PDE7B: variants seen among roughly 807,000 people sequenced by gnomAD.
PDE7B encodes the protein 3',5'-cyclic-AMP phosphodiesterase 7B.
Under a neutral mutation model 56.2 loss-of-function variants are expected in PDE7B, and 29 were observed. The observed-to-expected ratio is 0.52, with a 90% CI of 0.38 to 0.70. PDE7B has a LOEUF of 0.70. Among genes scored for constraint, PDE7B ranks in the 30% least tolerant of loss-of-function variants. The probability of loss-of-function intolerance (pLI) is 0.00; values close to 1 mark genes in which losing one functional copy is unlikely to be tolerated. For missense variants in PDE7B, 490 were observed against 565.0 expected (o/e 0.87, Z 1.35); for synonymous variants, 197 against 196.9 (o/e 1.00, Z 0.00).
chr6:135,939,194 G>T (rs1342860377), intron 1 of PDE7B, among the ~76,000 whole-genome samples: 6 of 152,206 alleles, frequency 3.9e-5, no homozygotes, highest in East Asian at 3.9e-4. Flanking sequence ...CTTCTGGAAG[G>T]GTCACCTCAG....
At chr6:135,984,929 G>A (rs1023892301) in intron 2 of PDE7B, among the ~76,000 whole-genome samples, 4 of 151,900 alleles carry the variant, frequency 2.6e-5, no homozygotes, top group Non-Finnish European at 4.4e-5. Context: ...CCAGCCCTGA[G>A]GAAAAGAGAA....
intron 1 of PDE7B, among the ~76,000 whole-genome samples, chr6:135,867,188 A>G (rs1775277437): frequency 6.6e-6 from 1 of 152,336 alleles, no homozygotes; most frequent in South Asian, 2.1e-4. Context: ...AATAGTAAAC[A>G]GTTTTAAAAC....
intron 1 of PDE7B, among the ~76,000 whole-genome samples, chr6:135,924,013 T>A (rs1159466664): frequency 1.3e-5 from 2 of 152,182 alleles, no homozygotes; most frequent in Non-Finnish European, 2.9e-5. Context: ...AATACATTCT[T>A]GCTTATCAAG....
intron 2 of PDE7B, among the ~76,000 whole-genome samples, chr6:135,960,623 T>G (rs1271333213): frequency 6.6e-6 from 1 of 152,198 alleles, no homozygotes; most frequent in Non-Finnish European, 1.5e-5. Context: ...AAATACAGCT[T>G]AAATTCTGAG....
intron 2 of PDE7B, among the ~76,000 whole-genome samples, chr6:135,962,424 G>A (rs779945481): frequency 6.6e-6 from 1 of 151,928 alleles, no homozygotes; most frequent in Non-Finnish European, 1.5e-5. Flanking sequence ...TATAAATTTC[G>A]TATAAAAAAA....
intron 2 of PDE7B, among the ~76,000 whole-genome samples, chr6:135,955,351 A>C (rs1331714311): frequency 6.6e-6 from 1 of 152,056 alleles, no homozygotes; most frequent in Non-Finnish European, 1.5e-5. Flanking sequence ...GCTGAGTGTC[A>C]AAGAGAAGCT....
chr6:135,946,556 GA>G (rs1214264792), intron 1 of PDE7B, among the ~76,000 whole-genome samples: 1 of 151,978 alleles, frequency 6.6e-6, no homozygotes, highest in Admixed American at 6.6e-5. Context: ...CTACAGTCTT[GA>G]AAACACTTGT....
chr6:135,946,753 T>A (rs1774602857), intron 1 of PDE7B, among the ~76,000 whole-genome samples: 1 of 152,136 alleles, frequency 6.6e-6, no homozygotes, highest in Non-Finnish European at 1.5e-5. Context: ...ATTAGATTTG[T>A]TATGTTCTCA....
At chr6:136,071,884 A>G (rs1479971562) in intron 2 of PDE7B, among the ~76,000 whole-genome samples, 1 of 152,256 alleles carries the variant, frequency 6.6e-6, no homozygotes, top group East Asian at 1.9e-4. Flanking sequence ...CAGTGCAGTA[A>G]CAAGTAAATG....
chr6:135,938,594 A>G (rs1289231390), intron 1 of PDE7B, among the ~76,000 whole-genome samples: 1 of 152,204 alleles, frequency 6.6e-6, no homozygotes, highest in African/African-American at 2.4e-5. Flanking sequence ...TGCAGAGGCT[A>G]TAGTCGTTTT....
In PDE7B at chr6:135,887,917, A is replaced by C. The variant is rs76418509; in HGVS notation, c.21+35898A>C. On this transcript the variant is annotated intron_variant, in intron 1 of 12. Coordinates refer to ENST00000308191, the MANE Select transcript of PDE7B (RefSeq NM_018945.4). Reference sequence around the variant, plus strand: ...TAGATTCCCCTGTAATCCAATCATGATTTACCTTTTGACAGTTTACTCCCT... The same window carrying C: ...TAGATTCCCCTGTAATCCAATCATGCTTTACCTTTTGACAGTTTACTCCCT... Among the ~76,000 whole-genome samples the C allele has an allele frequency of 6.1e-3, 923 of 152,166 alleles. 8 individuals carry two copies. Among genetic ancestry groups the C allele is most frequent in the African/African-American group, 0.021 (866 of 41,538 alleles).
At chr6:135,920,037 G>A (rs1003260978) in intron 1 of PDE7B, among the ~76,000 whole-genome samples, 1 of 151,874 alleles carries the variant, frequency 6.6e-6, no homozygotes, top group Non-Finnish European at 1.5e-5. Context: ...GACCCTAAAA[G>A]GTTATATTCT....
At chr6:135,985,398 C>CT (rs1775360703) in intron 2 of PDE7B, among the ~76,000 whole-genome samples, 1 of 152,134 alleles carries the variant, frequency 6.6e-6, no homozygotes, top group African/African-American at 2.4e-5. Flanking sequence ...AATGTTGTTT[C>CT]TTTGGAGGTC....
chr6:136,121,741 G>A (rs1777937152), intron 3 of PDE7B, among the ~76,000 whole-genome samples: 1 of 152,210 alleles, frequency 6.6e-6, no homozygotes. Context: ...GTTGGCATTG[G>A]CATTTGGACA....
chr6:136,161,398 C>T (rs1393179048), intron 8 of PDE7B, among the ~76,000 whole-genome samples: 1 of 152,056 alleles, frequency 6.6e-6, no homozygotes, highest in Admixed American at 6.6e-5. Flanking sequence ...TTCTGATGTC[C>T]AGGGAATATT....
intron 2 of PDE7B, among the ~76,000 whole-genome samples, chr6:136,052,726 CT>C (rs1776654285): frequency 6.6e-6 from 1 of 151,580 alleles, no homozygotes; most frequent in African/African-American, 2.4e-5. Context: ...GCAATGCTTC[CT>C]TTTAGATAGC....
At chr6:135,957,106 T>C (rs1486937982) in intron 2 of PDE7B, among the ~76,000 whole-genome samples, 1 of 152,090 alleles carries the variant, frequency 6.6e-6, no homozygotes, top group African/African-American at 2.4e-5. Flanking sequence ...TGTGAGAAGA[T>C]GGTCCCCGTG....
chr6:136,165,238 A>G (rs146721490), intron 8 of PDE7B, among the ~76,000 whole-genome samples: 1 of 152,306 alleles, frequency 6.6e-6, no homozygotes, highest in African/African-American at 2.4e-5. Context: ...AGGCTTTCCA[A>G]GCAGATCAAT....
At chr6:136,181,849 A>AT (rs1208790779) in intron 11 of PDE7B, among the ~76,000 whole-genome samples, 1 of 152,230 alleles carries the variant, frequency 6.6e-6, no homozygotes, top group Non-Finnish European at 1.5e-5. Flanking sequence ...AGGTAGAAGG[A>AT]TTTTGCTGTG....
Sources: gnomAD v4.1 joint callset for allele counts (sites outside exome capture counted in the v4.1 genomes callset) on GRCh38, gnomAD v4.1.1 for gene constraint, MANE v1.5 for transcripts, NCBI Gene and HGNC (gene_info 2026-07-23, HGNC 2026-07-21) for gene names.